The following CEP192 variants were observed in gnomAD, a reference collection of about 807,000 sequenced individuals.
CEP192 encodes centrosomal protein of 192 kDa.
Under a neutral mutation model 271.8 loss-of-function variants are expected in CEP192, and 151 were observed. The ratio of observed to expected loss-of-function variants is 0.56; its 90% CI spans 0.49 to 0.64. The LOEUF is 0.64. Ranked by LOEUF, CEP192 falls within the 30% of genes least tolerant of loss-of-function variation. The pLI, the probability that CEP192 is intolerant of heterozygous loss-of-function variation, is 0.00. For synonymous variants in CEP192, 995 were observed against 1,076.5 expected (o/e 0.92, Z 1.48); for missense variants, 2,910 against 3,020.5 (o/e 0.96, Z 0.86).
chr18:13,063,147 C>A (rs764034944), intron 21 of CEP192, among the ~76,000 whole-genome samples: 2 of 152,210 alleles, frequency 1.3e-5, no homozygotes, highest in Non-Finnish European at 2.9e-5. Flanking sequence ...ACTTAGGTTG[C>A]TTCCAAATCT....
Position 13,099,473 on chromosome 18 carries a change from A to T in CEP192, c.6558-3A>T, listed in dbSNP as rs757162551. 1 of 1,452,216 alleles carries T rather than the reference A, an allele frequency of 6.9e-7. No individual in the cohort carries two copies. The highest frequency in any genetic ancestry group is 1.2e-5 in the South Asian group (1 of 81,192). The allele number at this position is 1,452,216 out of a possible 1,614,324, so 90.0% of individuals were successfully genotyped here. A position where few individuals can be genotyped will look rare whatever the true frequency, so the allele number is the denominator to read the frequency against. On this transcript the variant is annotated splice_region_variant and splice_polypyrimidine_tract_variant and intron_variant, in intron 36 of 44. Transcript: ENST00000506447. ...TTAATTTTCTTATTAATTTTTTTTAAAGGAGTAAACTACAAATTCTTGTGA... is the reference window on the plus strand; with the variant it reads ...TTAATTTTCTTATTAATTTTTTTTATAGGAGTAAACTACAAATTCTTGTGA...
chr18:13,092,315 T>C, intron 33 of CEP192, 62 bp from the exon 34 acceptor site: 1 of 1,117,570 alleles, frequency 8.9e-7, no homozygotes. Flanking sequence ...CAAATGTATC[T>C]GTTACTTTGT....
intron 3 of CEP192, among the ~76,000 whole-genome samples, chr18:13,006,847 C>G (rs1412629295): frequency 5.3e-5 from 8 of 152,170 alleles, no homozygotes; most frequent in Non-Finnish European, 8.8e-5. Context: ...GCCATCGCTT[C>G]GTTCTCCACA....
intron 15 of CEP192, among the ~76,000 whole-genome samples, chr18:13,047,146 C>A (rs1202511979): frequency 6.6e-6 from 1 of 152,136 alleles, no homozygotes; most frequent in Admixed American, 6.5e-5. Flanking sequence ...ATCTTCCAGA[C>A]TGGATTTATG....
intron 6 of CEP192, among the ~76,000 whole-genome samples, chr18:13,016,955 A>G (rs1338056167): frequency 6.6e-6 from 1 of 152,196 alleles, no homozygotes; most frequent in Non-Finnish European, 1.5e-5. Flanking sequence ...ATAACATGCC[A>G]GGGTCTGTTT....
chr18:13,117,634 A>G lies in CEP192; in HGVS notation c.7466A>G (p.Tyr2489Cys). 1 of 1,612,364 alleles carries G rather than the reference A, an allele frequency of 6.2e-7. No homozygotes were observed. The highest frequency in any genetic ancestry group is 8.5e-7 in the Non-Finnish European group (1 of 1,178,580). ...REPFYVKHSK[Y>C]SLRAQHYINM... ...CCATTCTATGTCAAACATTCCAAGT[A>G]CTCTTTGAGGTAAGTTTATCGCAGA... Residue 2489 changes from tyrosine (Y) to cysteine (C), a missense_variant, in exon 44 of 45, where the codon TAC (tyrosine) becomes TGC (cysteine). By Grantham distance (194) the Tyr-to-Cys change is radical. Transcript: ENST00000506447.
chr18:13,094,322 C>T (rs145823260), intron 34 of CEP192, among the ~76,000 whole-genome samples: 128 of 152,246 alleles, frequency 8.4e-4, no homozygotes, highest in African/African-American at 3.0e-3. Context: ...ATCATGGTTA[C>T]CAAAGGGTGA....
At chr18:13,006,905 T>C (rs1201555537) in intron 3 of CEP192, among the ~76,000 whole-genome samples, 1 of 152,188 alleles carries the variant, frequency 6.6e-6, no homozygotes. Context: ...CTCCCCGTTG[T>C]CAGGTGTTCA....
intron 44 of CEP192, among the ~76,000 whole-genome samples, chr18:13,117,941 T>C (rs2040506226): frequency 6.6e-6 from 1 of 152,224 alleles, no homozygotes; most frequent in African/African-American, 2.4e-5. Context: ...ATCTTAAGAT[T>C]GACTTTTAGA....
At chr18:13,001,302 C>T (rs1244550050) in intron 2 of CEP192, among the ~76,000 whole-genome samples, 155 bp from the exon 3 acceptor site, 6 of 152,220 alleles carry the variant, frequency 3.9e-5, no homozygotes, top group Admixed American at 1.3e-4. Flanking sequence ...CACAGGTTTC[C>T]GTGCTTTGCA....
At position 13,093,424 on chromosome 18, in the gene CEP192, C is replaced by T. The variant is rs147338996; in HGVS notation, c.6254+897C>T. 4.7e-3 allele frequency among the ~76,000 whole-genome samples: 716 copies of T among 152,320 alleles called. 5 individuals are homozygous for T. The highest frequency in any genetic ancestry group is 0.016 in the African/African-American group (659 of 41,582). On this transcript the variant is annotated intron_variant, in intron 34 of 44. Coordinates refer to ENST00000506447, the MANE Select transcript of CEP192 (RefSeq NM_032142.4). ...GTTATCCTATCTGCTTACTCTCTTT[C>T]AGAATAGAGTTCCTTAGCCTTTCCT...
At chr18:13,113,769 A>G in intron 41 of CEP192, 64 bp downstream of exon 41, 1 of 1,462,210 alleles carries the variant, frequency 6.8e-7, no homozygotes, top group South Asian at 1.3e-5. Context: ...AGGGAAATTA[A>G]TAAGAAAAGT....
intron 9 of CEP192, among the ~76,000 whole-genome samples, chr18:13,027,942 A>G (rs2035396904): frequency 6.6e-6 from 1 of 152,066 alleles, no homozygotes; most frequent in Non-Finnish European, 1.5e-5. Context: ...TAATGTGTGT[A>G]TGAGCTTCCT....
At chr18:13,004,630 T>TGGA (rs934812351) in intron 3 of CEP192, among the ~76,000 whole-genome samples, 3 of 151,596 alleles carry the variant, frequency 2.0e-5, no homozygotes, top group African/African-American at 7.3e-5. Context: ...AGCGTGAGGG[T>TGGA]GGAGGAGGAG....
chr18:13,082,740 GT>G (rs1345980309), intron 30 of CEP192, among the ~76,000 whole-genome samples: 1 of 152,152 alleles, frequency 6.6e-6, no homozygotes, highest in African/African-American at 2.4e-5. Flanking sequence ...AATTTGGCAT[GT>G]TTTTGCAGTG....
Position 13,049,421 on chromosome 18 carries a change from T to A in CEP192, c.2630T>A (p.Val877Asp), listed in dbSNP as rs779936692. 6.2e-7 allele frequency: 1 copy of A among 1,614,128 alleles called. No individual in the cohort carries two copies. The highest frequency in any genetic ancestry group is 2.2e-5 in the East Asian group (1 of 44,874). The change falls in exon 16 of 45, where the codon GTT becomes GAT. Residue 877 changes from valine (V) to aspartate (D), a missense_variant. Val to Asp is a radical substitution (Grantham distance 152). Transcript: ENST00000506447. ...AATAGAGAGAATAACAGTGCAGTAG[T>A]TGATGTGAAGACATGTTCCATTGAC... ...VTNRENNSAV[V>D]DVKTCSIDNK...
chr18:13,024,016 T>G (rs904098851), intron 9 of CEP192, among the ~76,000 whole-genome samples: 5 of 152,198 alleles, frequency 3.3e-5, no homozygotes, highest in African/African-American at 9.7e-5. Context: ...TCTAGTTGAT[T>G]GTTAGTGTTG....
intron 4 of CEP192, among the ~76,000 whole-genome samples, chr18:13,010,613 A>G (rs2034284935): frequency 6.6e-6 from 1 of 152,136 alleles, no homozygotes; most frequent in Admixed American, 6.5e-5. Flanking sequence ...TTGGGTGGCC[A>G]AGGCGGGCGG....
Position 13,092,462 on chromosome 18 carries a change from C to T in CEP192, c.6189C>T (p.Phe2063=), listed in dbSNP as rs190034212. The change falls in exon 34 of 45, where the codon TTC becomes TTT. Residue 2063 remains phenylalanine (F), a synonymous_variant. Coordinates refer to ENST00000506447, the MANE Select transcript of CEP192 (RefSeq NM_032142.4). Reference sequence around the variant, plus strand: ...TTATACTTTCAGTAATTGGAGAATTCAGAGATTGCATTTCTAGCAGAGAAT... The same window carrying T: ...TTATACTTTCAGTAATTGGAGAATTTAGAGATTGCATTTCTAGCAGAGAAT... ...CKIILSVIGE[F]RDCISSREFL... is the part of the protein sequence containing the mutation. 115 of 1,608,224 alleles carry T rather than the reference C, an allele frequency of 7.2e-5. 1 individual carries two copies. In the East Asian group the frequency reaches 2.4e-3, roughly 33 times the overall value.
Sources: gnomAD v4.1 joint callset for allele counts (sites outside exome capture counted in the v4.1 genomes callset) on GRCh38, gnomAD v4.1.1 for gene constraint, MANE v1.5 for transcripts, NCBI Gene and HGNC (gene_info 2026-07-23, HGNC 2026-07-21) for gene names.